Variants in LRP1B observed in about 807,000 individuals in gnomAD.
LRP1B encodes the protein LDL receptor related protein 1B, also known as low-density lipoprotein receptor-related protein 1B.
LRP1B carries 217 observed loss-of-function variants against 556.6 expected under a neutral mutation model. The ratio of observed to expected loss-of-function variants is 0.39; its 90% CI spans 0.35 to 0.44. The LOEUF (loss-of-function observed/expected upper bound fraction) is 0.44, where lower values mean the gene tolerates loss of function less well. LRP1B is among the 20% of genes least tolerant of loss of function. The pLI is 1.00. For synonymous variants in LRP1B, 2,047 were observed against 1,865.8 expected, an observed-to-expected ratio of 1.10 and a Z score of -2.50; for missense variants, 5,053 against 5,620.8, an observed-to-expected ratio of 0.90 and a Z score of 3.23.
rs768100103 is a variant in LRP1B, at chr2:140,325,775, G to T, written c.12327C>A (p.Val4109=). The change falls in exon 80 of 91, where the codon GTC becomes GTA. Residue 4109 remains valine, a synonymous_variant. Transcript: ENST00000389484. ...CACTTCACAAACCTTGTTTGCTGCT[G>T]ACAGAGACTACTGAATTAGAGCCAT... The part of the protein sequence containing the change: ...LYDGSNSVVS[V]SSKQGLLHPH... 6.2e-7 allele frequency: 1 copy of T among 1,610,626 alleles called. No homozygotes were observed. Among genetic ancestry groups the T allele is most frequent in the Non-Finnish European group, 8.5e-7 (1 of 1,177,862 alleles).
chr2:140,245,852 T>C (rs1681137238), intron 87 of LRP1B, among the ~76,000 whole-genome samples: 1 of 151,416 alleles, frequency 6.6e-6, no homozygotes, highest in Non-Finnish European at 1.5e-5. Flanking sequence ...AGCTTCCCTA[T>C]GGCCTCACCC....
At chr2:141,216,674 T>G (rs570832858) in intron 6 of LRP1B, among the ~76,000 whole-genome samples, 1 of 152,192 alleles carries the variant, frequency 6.6e-6, no homozygotes, top group Non-Finnish European at 1.5e-5. Flanking sequence ...TTTGGGAGCT[T>G]ACTCCTTGTA....
intron 1 of LRP1B, among the ~76,000 whole-genome samples, chr2:141,970,438 ACAC>A (rs1295888780): frequency 6.6e-6 from 1 of 151,548 alleles, no homozygotes; most frequent in African/African-American, 2.4e-5. Context: ...TCTCTAATAA[ACAC>A]CATTTACCTG....
chr2:141,013,567 C>A lies in LRP1B; in HGVS notation c.2369G>T (p.Arg790Leu). 1.2e-6 allele frequency: 2 copies of A among 1,606,702 alleles called. No homozygotes were observed. Among genetic ancestry groups the A allele is most frequent in the South Asian group, 1.1e-5 (1 of 89,866 alleles). Residue 790 changes from arginine (R) to leucine (L), a missense_variant, in exon 14 of 91, where the codon CGA (arginine) becomes CTA (leucine). Around this residue, in one of 5 missense-constraint regions of LRP1B, gnomAD observed 3,619 missense variants for 3,931.9 expected, o/e 0.92. Transcript: ENST00000389484. ...PLFGLQIYDPRKQQGDNMCRV... is the reference protein window; with the variant it reads ...PLFGLQIYDPLKQQGDNMCRV... ...TTGTTTTTTAATACCTTGTTGCTTTCGTGGATCATAAATCTGAAGCCCAAA... is the reference window on the plus strand; with the variant it reads ...TTGTTTTTTAATACCTTGTTGCTTTAGTGGATCATAAATCTGAAGCCCAAA...
chr2:140,977,883 C>G (rs544177424), intron 18 of LRP1B, among the ~76,000 whole-genome samples: 42 of 152,254 alleles, frequency 2.8e-4, no homozygotes, highest in African/African-American at 9.6e-4. Flanking sequence ...GAGGTATGGG[C>G]AGGTGATTTT....
chr2:140,463,412 A>C (rs1482904137), intron 60 of LRP1B, among the ~76,000 whole-genome samples: 1 of 152,208 alleles, frequency 6.6e-6, no homozygotes, highest in Non-Finnish European at 1.5e-5. Flanking sequence ...CATTTAAAAA[A>C]ATTATTTCCT....
In LRP1B at chr2:140,903,067, T is replaced by C. The variant is rs1409330244; in HGVS notation, c.3619A>G (p.Lys1207Glu). ...CSCPEGLQLN[K>E]DNKTCEIVDY... ...ACAATTTCACATGTTTTATTGTCTT[T>C]GTTGAGTTGAAGTCCTTCAGGGCAG... The change falls in exon 23 of 91, where the codon AAA becomes GAA. Residue 1207 changes from lysine to glutamate, a missense_variant. By Grantham distance (56) the Lys-to-Glu change is moderately conservative (BLOSUM62 1). This residue lies in a region of LRP1B where 3,619 missense variants were observed against 3,931.9 expected (regional missense o/e 0.92). Transcript: ENST00000389484. 2.5e-6 allele frequency: 4 copies of C among 1,613,692 alleles called. No homozygotes were observed. Among genetic ancestry groups the C allele is most frequent in the Admixed American group, 3.3e-5 (2 of 59,954 alleles).
chr2:140,683,825 C>T (rs1011034003), intron 41 of LRP1B: 1 of 668,588 alleles, frequency 1.5e-6, no homozygotes, highest in South Asian at 1.7e-5. Flanking sequence ...GCCTTCCATG[C>T]GCTAGGCAGC....
chr2:141,579,416 A>AGC (rs1449850039), intron 2 of LRP1B, among the ~76,000 whole-genome samples: 1 of 152,198 alleles, frequency 6.6e-6, no homozygotes, highest in African/African-American at 2.4e-5. Context: ...GAAGATCTCC[A>AGC]GCCTCTATTT....
chr2:140,247,492 G>A (rs1681217777), intron 86 of LRP1B, among the ~76,000 whole-genome samples: 1 of 151,646 alleles, frequency 6.6e-6, no homozygotes, highest in East Asian at 1.9e-4. Flanking sequence ...ATTACAAGTG[G>A]CCACTTACAA....
At chr2:142,062,512 A>T (rs1344815768) in intron 1 of LRP1B, among the ~76,000 whole-genome samples, 2 of 151,800 alleles carry the variant, frequency 1.3e-5, no homozygotes, top group African/African-American at 4.8e-5. Flanking sequence ...CAAAATTTTG[A>T]TGTTGATGTC....
At chr2:140,344,470 ATAAAG>A in intron 77 of LRP1B, among the ~76,000 whole-genome samples, 1 of 151,822 alleles carries the variant, frequency 6.6e-6, no homozygotes, top group East Asian at 1.9e-4. Flanking sequence ...CAAAGCTAAT[ATAAAG>A]TAGCCAACTC....
At chr2:140,680,132 A>T (rs1275521149) in intron 41 of LRP1B, among the ~76,000 whole-genome samples, 1 of 152,100 alleles carries the variant, frequency 6.6e-6, no homozygotes, top group Non-Finnish European at 1.5e-5. Context: ...CCCACTTAAG[A>T]GTAAGAAACT....
intron 31 of LRP1B, among the ~76,000 whole-genome samples, chr2:140,815,119 C>A (rs1307859669): frequency 2.7e-5 from 4 of 145,932 alleles, no homozygotes; most frequent in Admixed American, 6.9e-5. Flanking sequence ...ATAAAGTGAA[C>A]AAATCACAAA....
intron 7 of LRP1B, among the ~76,000 whole-genome samples, chr2:141,133,959 T>C (rs1194076880): frequency 2.0e-5 from 3 of 151,884 alleles, no homozygotes; most frequent in Admixed American, 6.6e-5. Flanking sequence ...ATAGAATGCA[T>C]AGTATCCTCC....
chr2:140,474,856 G>A (rs946031962), intron 60 of LRP1B, among the ~76,000 whole-genome samples: 3 of 151,764 alleles, frequency 2.0e-5, no homozygotes, highest in Non-Finnish European at 4.4e-5. Flanking sequence ...CAGTTGGGAT[G>A]CATGTGGATA....
chr2:141,142,394 C>T (rs902822492), intron 7 of LRP1B, among the ~76,000 whole-genome samples: 1 of 152,150 alleles, frequency 6.6e-6, no homozygotes, highest in Non-Finnish European at 1.5e-5. Context: ...TTCCTAGTTG[C>T]TACCATTGTG....
intron 3 of LRP1B, among the ~76,000 whole-genome samples, chr2:141,423,838 C>T (rs1000684923): frequency 3.3e-5 from 5 of 149,674 alleles, no homozygotes; most frequent in Non-Finnish European, 7.4e-5. Flanking sequence ...AAAAAAAAAC[C>T]CTACATTTAC....
chr2:141,935,408 G>A (rs1700609317), intron 1 of LRP1B, among the ~76,000 whole-genome samples: 1 of 152,086 alleles, frequency 6.6e-6, no homozygotes, highest in Admixed American at 6.6e-5. Flanking sequence ...TTAAAAATAT[G>A]GATTAAATTT....
Sources: allele counts gnomAD v4.1 joint callset (sites outside exome capture counted in the v4.1 genomes callset), GRCh38; gene constraint gnomAD v4.1.1; regional missense constraint gnomAD v4.1.1; transcripts MANE v1.5; gene names NCBI Gene and HGNC (gene_info 2026-07-23, HGNC 2026-07-21).